Variants in FHIP1A observed in about 807,000 individuals in gnomAD.
FHIP1A encodes FHF complex subunit HOOK interacting protein 1A.
Under a neutral mutation model 88.6 loss-of-function variants are expected in FHIP1A, and 61 were observed. That is an observed-to-expected ratio of 0.69 (90% confidence interval 0.56 to 0.85). The LOEUF (loss-of-function observed/expected upper bound fraction) is 0.85, where lower values mean the gene tolerates loss of function less well. Among genes scored for constraint, FHIP1A ranks in the 40% least tolerant of loss-of-function variants. FHIP1A has a pLI of 0.00. For synonymous variants in FHIP1A, 478 were observed against 496.0 expected (o/e 0.96, Z 0.48); for missense variants, 1,154 against 1,273.5 (o/e 0.91, Z 1.43).
At chr4:151,599,720 G>C (rs936060949) in intron 7 of FHIP1A, among the ~76,000 whole-genome samples, 2 of 152,168 alleles carry the variant, frequency 1.3e-5, no homozygotes, top group Non-Finnish European at 2.9e-5. Context: ...AGCAGCAGGG[G>C]CCCCAGCTCA....
intron 1 of FHIP1A, among the ~76,000 whole-genome samples, chr4:151,418,886 A>G (rs1009269715): frequency 1.3e-5 from 2 of 152,060 alleles, no homozygotes; most frequent in African/African-American, 4.8e-5. Context: ...CAATTATAAT[A>G]TTTTTCATTT....
chr4:151,651,912 C>T (rs1407643425), intron 11 of FHIP1A, among the ~76,000 whole-genome samples: 1 of 152,140 alleles, frequency 6.6e-6, no homozygotes, highest in Non-Finnish European at 1.5e-5. Flanking sequence ...ATCAGTCAGT[C>T]AATCATAAGT....
intron 3 of FHIP1A, among the ~76,000 whole-genome samples, chr4:151,543,455 A>T (rs1207236265): frequency 6.6e-6 from 1 of 152,208 alleles, no homozygotes; most frequent in Admixed American, 6.5e-5. Context: ...ATATGAAAAA[A>T]TTCTTTGATT....
At chr4:151,419,410 A>G (rs1248565196) in intron 1 of FHIP1A, among the ~76,000 whole-genome samples, 1 of 152,144 alleles carries the variant, frequency 6.6e-6, no homozygotes, top group African/African-American at 2.4e-5. Context: ...TAATTGCGTA[A>G]GCCACTTCCT....
intron 1 of FHIP1A, among the ~76,000 whole-genome samples, chr4:151,431,320 A>T (rs138952976): frequency 6.6e-6 from 1 of 152,078 alleles, no homozygotes; most frequent in African/African-American, 2.4e-5. Context: ...TCCAAATGCA[A>T]TTGTCCCCCA....
In FHIP1A at chr4:151,656,689, CA is replaced by C; in HGVS notation, c.2731-69del. On this transcript the variant is annotated intron_variant, in intron 12 of 13. Coordinates refer to ENST00000435205, the MANE Select transcript of FHIP1A (RefSeq NM_001109977.3). This position sits in a 1 kb window ranked among gnomAD's most constrained non-coding sequence, Gnocchi z 4.2. Reference sequence around the variant, plus strand: ...GTTCCCATAATGAGGGTGCTACCTGCAAGATATATTGATAACTGGGAGTGGA... The same window carrying C: ...GTTCCCATAATGAGGGTGCTACCTGCAGATATATTGATAACTGGGAGTGGA... 2.0e-6 allele frequency: 3 copies of C among 1,470,524 alleles called. No individual in the cohort carries two copies. Among genetic ancestry groups the C allele is most frequent in the East Asian group, 5.0e-5 (2 of 40,368 alleles). 91.1% of individuals were successfully genotyped at this position (1,470,524 alleles called of 1,614,324 possible). A position where few individuals can be genotyped will look rare whatever the true frequency, so the allele number is the denominator to read the frequency against.
At chr4:151,417,894 C>T (rs768250850) in intron 1 of FHIP1A, among the ~76,000 whole-genome samples, 15 of 152,102 alleles carry the variant, frequency 9.9e-5, no homozygotes, top group Non-Finnish European at 1.9e-4. Flanking sequence ...ATCTGCCAGG[C>T]CCAATGGCTC....
intron 3 of FHIP1A, among the ~76,000 whole-genome samples, chr4:151,510,720 T>TA: frequency 6.6e-6 from 1 of 152,322 alleles, no homozygotes; most frequent in Non-Finnish European, 1.5e-5. Context: ...CTTTTACATT[T>TA]AAAAATGTTT....
intron 3 of FHIP1A, among the ~76,000 whole-genome samples, chr4:151,502,648 A>G (rs1730695004): frequency 6.6e-6 from 1 of 152,200 alleles, no homozygotes; most frequent in African/African-American, 2.4e-5. Context: ...TAAAACATGC[A>G]TTATGGGAAT....
chr4:151,535,572 C>T (rs1443094), intron 3 of FHIP1A, among the ~76,000 whole-genome samples: 73,552 of 152,022 alleles, frequency 0.48, 18,307 homozygotes, highest in African/African-American at 0.6. Context: ...TATGTCCATA[C>T]TTATATGTGT....
chr4:151,601,361 C>G (rs1734861205), intron 7 of FHIP1A, among the ~76,000 whole-genome samples: 1 of 151,882 alleles, frequency 6.6e-6, no homozygotes, highest in African/African-American at 2.4e-5. Flanking sequence ...CATCAGCATG[C>G]TTATTTACCA....
chr4:151,594,019 CAT>C (rs1411396638), intron 7 of FHIP1A, among the ~76,000 whole-genome samples: 3 of 152,100 alleles, frequency 2.0e-5, no homozygotes, highest in Admixed American at 1.3e-4. Context: ...TTGAGATAAT[CAT>C]GTGGTTTTTG....
At chr4:151,458,329 G>A (rs1044916267) in intron 2 of FHIP1A, among the ~76,000 whole-genome samples, 4 of 152,160 alleles carry the variant, frequency 2.6e-5, no homozygotes, top group Admixed American at 2.0e-4. Flanking sequence ...GGGGGAAGAA[G>A]CCAGGCCTGG....
chr4:151,657,483 T>G (rs1737289027), intron 13 of FHIP1A, among the ~76,000 whole-genome samples: 8 of 144,378 alleles, frequency 5.5e-5, no homozygotes, highest in African/African-American at 1.3e-4. Context: ...GAGTGAGGAG[T>G]GGGGGTGGGG....
rs1454769792 is a variant in FHIP1A, at chr4:151,667,571, A to G, written c.*4817A>G. On this transcript the variant is annotated 3_prime_UTR_variant, in exon 14 of 14. Coordinates refer to ENST00000435205, the MANE Select transcript of FHIP1A (RefSeq NM_001109977.3). Reference sequence around the variant, plus strand: ...CTGGCAGCTCAATAACTGGATAAACAGGACTTTAGTGAAAGATTTTCAGAG... The same window carrying G: ...CTGGCAGCTCAATAACTGGATAAACGGGACTTTAGTGAAAGATTTTCAGAG... 6.6e-6 allele frequency among the ~76,000 whole-genome samples: 1 copy of G among 152,220 alleles called. No homozygotes were observed. The highest frequency in any genetic ancestry group is 1.5e-5 in the Non-Finnish European group (1 of 68,036).
Position 151,468,991 on chromosome 4 carries a change from CT to C in FHIP1A, c.-247-13532del, listed in dbSNP as rs113492010. Among the ~76,000 whole-genome samples the C allele has an allele frequency of 8.2e-3, 1,253 of 152,184 alleles. 14 individuals carry two copies. Among genetic ancestry groups the C allele is most frequent in the African/African-American group, 0.029 (1,215 of 41,524 alleles). ...TAGCCTGGGATCCCAAGAACCACCCCTGATAGCAGAAAAATAAGCTTTGCTT... is the reference window on the plus strand; with the variant it reads ...TAGCCTGGGATCCCAAGAACCACCCCGATAGCAGAAAAATAAGCTTTGCTT... On this transcript the variant is annotated intron_variant, in intron 2 of 13. Transcript: ENST00000435205.
intron 9 of FHIP1A, among the ~76,000 whole-genome samples, chr4:151,645,878 C>T (rs1578857227): frequency 6.6e-6 from 1 of 152,028 alleles, no homozygotes; most frequent in Admixed American, 6.6e-5. Context: ...CTTTTGATCA[C>T]CAACCAAAAG....
intron 2 of FHIP1A, among the ~76,000 whole-genome samples, chr4:151,466,277 A>G (rs566026689): frequency 6.6e-6 from 1 of 152,324 alleles, no homozygotes; most frequent in East Asian, 1.9e-4. Context: ...CTTACAAGGG[A>G]CATGAAGGAA....
intron 8 of FHIP1A, among the ~76,000 whole-genome samples, chr4:151,635,340 G>A (rs80142993): frequency 0.014 from 2,094 of 151,838 alleles, 47 homozygotes; most frequent in African/African-American, 0.047. Context: ...TTAAACATAG[G>A]TTTAGTACAT....
Sources: gnomAD v4.1 joint callset for allele counts (sites outside exome capture counted in the v4.1 genomes callset) on GRCh38, gnomAD v4.1.1 for gene constraint, Gnocchi (gnomAD v3.1) non-coding constraint, MANE v1.5 for transcripts, NCBI Gene and HGNC (gene_info 2026-07-23, HGNC 2026-07-21) for gene names.